Variants in CNBD1 observed in about 807,000 individuals in gnomAD.
CNBD1 encodes the protein cyclic nucleotide-binding domain-containing protein 1.
A neutral mutation model predicts 54.4 loss-of-function variants in CNBD1; 71 were observed. The observed-to-expected ratio is 1.30, with a 90% CI of 1.08 to 1.59. The LOEUF is 1.59. Among genes scored for constraint, CNBD1 ranks in the 40% most tolerant of loss-of-function variants. CNBD1 has a pLI of 0.00. For synonymous variants in CNBD1, 182 were observed against 170.7 expected (o/e 1.07, Z -0.51); for missense variants, 659 against 518.0 (o/e 1.27, Z -2.64).
rs1398293232 is a variant in CNBD1, at chr8:87,324,191, T to A, written c.1043-27494T>A. Among the ~76,000 whole-genome samples, 2 of 127,714 alleles carry A rather than the reference T, an allele frequency of 1.6e-5. 1 individual carries two copies. The highest frequency in any genetic ancestry group is 3.5e-5 in the Non-Finnish European group (2 of 57,132). 83.8% of individuals were successfully genotyped at this position (127,714 alleles called of 152,430 possible). A position where few individuals can be genotyped will look rare whatever the true frequency, so the allele number is the denominator to read the frequency against. On this transcript the variant is annotated intron_variant, in intron 8 of 10. Transcript: ENST00000518476. ...GTGGATAAGCTTTTTGATGTGCTGC[T>A]GGATTCGGTTTGCCAGTATTTTATT...
intron 4 of CNBD1, among the ~76,000 whole-genome samples, chr8:87,174,847 C>A (rs1361711818): frequency 6.6e-6 from 1 of 152,132 alleles, no homozygotes; most frequent in Non-Finnish European, 1.5e-5. Context: ...CCTTGGTGGT[C>A]ATGGATAAGT....
intron 4 of CNBD1, among the ~76,000 whole-genome samples, chr8:86,991,638 C>A (rs948087465): frequency 4.6e-5 from 7 of 152,068 alleles, no homozygotes. Context: ...TTTCTAACTT[C>A]TTGATGAAGG....
intron 3 of CNBD1, among the ~76,000 whole-genome samples, chr8:86,911,034 C>A (rs1354204057): frequency 6.6e-6 from 1 of 152,190 alleles, no homozygotes; most frequent in Admixed American, 6.5e-5. Flanking sequence ...GGCTACCTCA[C>A]CCTAATCTTT....
chr8:87,375,077 A>G (rs542453864), intron 10 of CNBD1, among the ~76,000 whole-genome samples: 1 of 152,060 alleles, frequency 6.6e-6, no homozygotes, highest in East Asian at 1.9e-4. Flanking sequence ...AAATAATTAT[A>G]CAGTACATTT....
intron 4 of CNBD1, among the ~76,000 whole-genome samples, chr8:87,158,707 C>G (rs1167303793): frequency 6.6e-6 from 1 of 152,084 alleles, no homozygotes; most frequent in Admixed American, 6.6e-5. Flanking sequence ...AATGGATGCT[C>G]TGGTACTGTG....
intron 2 of CNBD1, among the ~76,000 whole-genome samples, chr8:87,408,396 T>G (rs1438404448): frequency 6.6e-6 from 1 of 151,332 alleles, no homozygotes; most frequent in Non-Finnish European, 1.5e-5. Context: ...TACATATATG[T>G]GTGTGTGTGT....
intron 4 of CNBD1, among the ~76,000 whole-genome samples, chr8:87,184,571 G>T (rs1006768109): frequency 6.6e-6 from 1 of 152,118 alleles, no homozygotes; most frequent in Admixed American, 6.5e-5. Context: ...GTCCATGGGG[G>T]TCATGGGGTC....
intron 3 of CNBD1, among the ~76,000 whole-genome samples, chr8:86,919,120 C>T (rs1809233475): frequency 6.6e-6 from 1 of 151,788 alleles, no homozygotes. Flanking sequence ...ATAAACAATC[C>T]TCTCATGCCC....
intron 8 of CNBD1, among the ~76,000 whole-genome samples, chr8:87,340,265 G>A (rs1030341773): frequency 2.0e-5 from 3 of 152,168 alleles, no homozygotes; most frequent in Admixed American, 6.5e-5. Flanking sequence ...AGGTTTCCTA[G>A]TAGGTGATAA....
intron 4 of CNBD1, among the ~76,000 whole-genome samples, chr8:87,156,001 C>G (rs181125194): frequency 1.3e-5 from 2 of 151,814 alleles, no homozygotes; most frequent in African/African-American, 4.8e-5. Flanking sequence ...GGAAAACAGA[C>G]GGACTAGAAA....
intron 4 of CNBD1, among the ~76,000 whole-genome samples, chr8:87,028,032 GAC>G (rs370463787): frequency 6.6e-5 from 10 of 150,690 alleles, no homozygotes; most frequent in South Asian, 6.3e-4. Context: ...CACTTCCCTG[GAC>G]ACACACACAC....
At chr8:87,016,267 C>G (rs142390247) in intron 4 of CNBD1, among the ~76,000 whole-genome samples, 5 of 151,546 alleles carry the variant, frequency 3.3e-5, no homozygotes, top group African/African-American at 1.2e-4. Flanking sequence ...CAGGATTTTT[C>G]GCACCACTGG....
At chr8:87,028,659 A>G (rs1347727227) in intron 4 of CNBD1, among the ~76,000 whole-genome samples, 3 of 152,238 alleles carry the variant, frequency 2.0e-5, no homozygotes, top group African/African-American at 7.2e-5. Flanking sequence ...AGGAGGGGTA[A>G]GAAAGCAATT....
intron 8 of CNBD1, among the ~76,000 whole-genome samples, chr8:87,332,622 T>C (rs567920184): frequency 6.6e-6 from 1 of 152,266 alleles, no homozygotes; most frequent in South Asian, 2.1e-4. Flanking sequence ...TGCAGCACTG[T>C]TTATTGTAGG....
chr8:87,418,353 T>TA (rs1313430101), intron 2 of CNBD1, among the ~76,000 whole-genome samples: 10 of 151,980 alleles, frequency 6.6e-5, no homozygotes, highest in South Asian at 4.1e-4. Context: ...TTATACCATG[T>TA]AAAAAATTAA....
At chr8:87,025,114 AT>A (rs1466690960) in intron 4 of CNBD1, among the ~76,000 whole-genome samples, 2 of 152,044 alleles carry the variant, frequency 1.3e-5, no homozygotes, top group African/African-American at 4.8e-5. Flanking sequence ...TAGCTAAAGG[AT>A]TGTAAATGCA....
chr8:87,260,532 T>A (rs1808115283), intron 6 of CNBD1, among the ~76,000 whole-genome samples: 1 of 152,114 alleles, frequency 6.6e-6, no homozygotes, highest in African/African-American at 2.4e-5. Flanking sequence ...TAATCAAAAC[T>A]TTACAGGGGA....
Position 87,378,686 on chromosome 8 carries a change from C to T in CNBD1, c.1304-3934C>T, listed in dbSNP as rs188124924. 6.9e-3 allele frequency among the ~76,000 whole-genome samples: 1,032 copies of T among 150,454 alleles called. 38 individuals carry two copies. The highest frequency in any genetic ancestry group is 0.024 in the African/African-American group (953 of 40,286). ...TTTAAAGTAGTTTTTTCCAATTCTGCGAAGAAAGGCATTGGTAGCTTGATG... is the reference window on the plus strand; with the variant it reads ...TTTAAAGTAGTTTTTTCCAATTCTGTGAAGAAAGGCATTGGTAGCTTGATG... On this transcript the variant is annotated intron_variant, in intron 10 of 10. Coordinates refer to ENST00000518476, the MANE Select transcript of CNBD1 (RefSeq NM_173538.3).
chr8:87,047,552 C>T (rs547171391), intron 4 of CNBD1, among the ~76,000 whole-genome samples: 1 of 152,234 alleles, frequency 6.6e-6, no homozygotes, highest in Non-Finnish European at 1.5e-5. Flanking sequence ...TGCCTCTTAT[C>T]TGTTACTGCC....
Sources: allele counts gnomAD v4.1 joint callset (sites outside exome capture counted in the v4.1 genomes callset), GRCh38; gene constraint gnomAD v4.1.1; transcripts MANE v1.5; gene names NCBI Gene and HGNC (gene_info 2026-07-23, HGNC 2026-07-21).